KCNN3: variants seen among roughly 807,000 people sequenced by gnomAD.
KCNN3 encodes small conductance calcium-activated potassium channel protein 3.
KCNN3 carries 16 observed loss-of-function variants against 62.9 expected under a neutral mutation model. The observed-to-expected ratio is 0.25, with a 90% CI of 0.17 to 0.39. The LOEUF is 0.39. Among genes scored for constraint, KCNN3 ranks in the 10% least tolerant of loss-of-function variants. The pLI is 1.00. For missense variants in KCNN3, 599 were observed against 949.4 expected (o/e 0.63, Z 4.85); for synonymous variants, 370 against 389.2 (o/e 0.95, Z 0.58).
chr1:154,714,272 GGT>G (rs1196826900), intron 6 of KCNN3, among the ~76,000 whole-genome samples: 5 of 51,290 alleles, frequency 9.7e-5, no homozygotes, highest in African/African-American at 1.6e-4. Context: ...TGTGGTATGT[GGT>G]GTGTGTGGTG....
At chr1:154,775,575 C>A (rs901252418) in intron 2 of KCNN3, among the ~76,000 whole-genome samples, 6 of 133,118 alleles carry the variant, frequency 4.5e-5, no homozygotes, top group Admixed American at 7.4e-5. Context: ...GCCCCCCACC[C>A]ACCCACCCAT....
chr1:154,736,315 TAGAC>T (rs1557949116), intron 3 of KCNN3, among the ~76,000 whole-genome samples: 1 of 152,156 alleles, frequency 6.6e-6, no homozygotes, highest in African/African-American at 2.4e-5. Context: ...TGAGAAACAA[TAGAC>T]AGAAAAATAC....
chr1:154,699,734 A>C lies in KCNN3; in HGVS notation c.*8242T>G, dbSNP rs1025844470. ...TTTCCTCTAGGGGAGGGGAGTTCTT[A>C]CTGGTGAGATGCTGAGTTCCTCAAG... On this transcript the variant is annotated 3_prime_UTR_variant, in exon 8 of 8. Transcript: ENST00000271915. The C allele has an allele frequency of 2.6e-5, 4 of 152,116 alleles. No individual in the cohort carries two copies. Among genetic ancestry groups the C allele is most frequent in the African/African-American group, 9.7e-5 (4 of 41,404 alleles). The allele number at this position is 152,116 out of a possible 1,614,324, so 9.4% of individuals were successfully genotyped here.
Position 154,836,297 on chromosome 1 carries a change from G to C in KCNN3, c.934-14113C>G, listed in dbSNP as rs1289580223. ...GTCCCTCTTGCTGTTGTAATAGGAGGAGCCAGAGGAACACCCCACCTGATA... is the reference window on the plus strand; with the variant it reads ...GTCCCTCTTGCTGTTGTAATAGGAGCAGCCAGAGGAACACCCCACCTGATA... On this transcript the variant is annotated intron_variant, in intron 1 of 7. Transcript: ENST00000271915. Among the ~76,000 whole-genome samples the C allele has an allele frequency of 3.3e-5, 5 of 152,166 alleles. 1 individual carries two copies. The South Asian group carries it at 1.0e-3, about 31-fold the overall frequency.
chr1:154,731,828 G>A (rs1046132964), intron 4 of KCNN3, among the ~76,000 whole-genome samples: 5 of 152,016 alleles, frequency 3.3e-5, no homozygotes, highest in Non-Finnish European at 7.4e-5. Context: ...TTCTCACCCC[G>A]CCACCTCCCC....
rs570353294 is a variant in KCNN3 at position 154,744,556 on chromosome 1, G to A, written c.1449-11412C>T. 2.6e-5 allele frequency among the ~76,000 whole-genome samples: 4 copies of A among 152,348 alleles called. No individual in the cohort carries two copies. In the South Asian group the frequency reaches 8.3e-4, roughly 32 times the overall value. On this transcript the variant is annotated intron_variant, in intron 3 of 7. Transcript: ENST00000271915. ...AGGTGATGGCCGGGAGGCTCTGTAT[G>A]TGACTGGCATTCGAAGCTATTAGAA...
rs145204644 is a variant in KCNN3, at chr1:154,796,130, G to A, written c.1030-23737C>T. Among the ~76,000 whole-genome samples the A allele has an allele frequency of 3.9e-5, 6 of 152,326 alleles. No individual in the cohort carries two copies. In the East Asian group the frequency reaches 1.2e-3, roughly 29 times the overall value. On this transcript the variant is annotated intron_variant, in intron 2 of 7. Transcript: ENST00000271915. Reference sequence around the variant, plus strand: ...CACATAAGACCTGGTGTTGGGGGATGAGTGGAGGTGGCGAATACTGCAATC... The same window carrying A: ...CACATAAGACCTGGTGTTGGGGGATAAGTGGAGGTGGCGAATACTGCAATC...
intron 2 of KCNN3, among the ~76,000 whole-genome samples, chr1:154,797,814 CAG>C (rs2101870232): frequency 1.3e-5 from 2 of 152,294 alleles, no homozygotes; most frequent in South Asian, 4.2e-4. Flanking sequence ...GGCGTGGACA[CAG>C]GGGTGTGGCT....
rs1488608083 is a variant in KCNN3, at chr1:154,862,275, G to A, written c.933+6757C>T. Among the ~76,000 whole-genome samples, 1 of 152,110 alleles carries A rather than the reference G, an allele frequency of 6.6e-6. No homozygotes were observed. The highest frequency in any genetic ancestry group is 2.4e-5 in the African/African-American group (1 of 41,414). ...GAGTTTTCTCATCCCTGAGATAGTT[G>A]GTCATCATGAGCCCTGGGCCAGCCA... is the stretch of plus-strand genomic sequence containing the variant. On this transcript the variant is annotated intron_variant, in intron 1 of 7. Transcript: ENST00000271915. This position sits in a 1 kb window ranked among gnomAD's most constrained non-coding sequence, Gnocchi z 4.1.
At chr1:154,742,035 G>A (rs767148057) in intron 3 of KCNN3, among the ~76,000 whole-genome samples, 1 of 152,210 alleles carries the variant, frequency 6.6e-6, no homozygotes, top group Non-Finnish European at 1.5e-5. Context: ...GCCCTCCTCT[G>A]GCATCTGCAG....
chr1:154,722,059 C>T (rs927944178), intron 5 of KCNN3, among the ~76,000 whole-genome samples: 1 of 151,952 alleles, frequency 6.6e-6, no homozygotes, highest in African/African-American at 2.4e-5. Context: ...TGCTATCAGA[C>T]CCTCTTCCCT....
intron 2 of KCNN3, among the ~76,000 whole-genome samples, chr1:154,811,453 T>G (rs1284538166): frequency 6.6e-6 from 1 of 152,194 alleles, no homozygotes; most frequent in Non-Finnish European, 1.5e-5. Flanking sequence ...GTTATGTATA[T>G]TTTACCACAA....
rs75462169 is a variant in KCNN3, at chr1:154,827,369, C to T, written c.934-5185G>A. 6.0e-3 allele frequency among the ~76,000 whole-genome samples: 914 copies of T among 152,320 alleles called. 4 individuals carry two copies. Among genetic ancestry groups the T allele is most frequent in the Non-Finnish European group, 0.011 (717 of 68,034 alleles). Reference sequence around the variant, plus strand: ...CCATGGAGACCTGAGGCTTCTTTCCCTCCACATCAGCACCAAGCCCTGGCC... The same window carrying T: ...CCATGGAGACCTGAGGCTTCTTTCCTTCCACATCAGCACCAAGCCCTGGCC... On this transcript the variant is annotated intron_variant, in intron 1 of 7. Transcript: ENST00000271915.
intron 2 of KCNN3, among the ~76,000 whole-genome samples, chr1:154,782,803 A>G (rs531350917): frequency 1.3e-5 from 2 of 152,268 alleles, no homozygotes; most frequent in Admixed American, 6.5e-5. Flanking sequence ...GGTTCAATCA[A>G]TTGCCTGGGG....
At chr1:154,719,242 G>A (rs1177479376) in intron 5 of KCNN3, among the ~76,000 whole-genome samples, 1 of 152,170 alleles carries the variant, frequency 6.6e-6, no homozygotes, top group Non-Finnish European at 1.5e-5. Flanking sequence ...AGGAACCCTT[G>A]CCAGGGAAGT....
chr1:154,774,955 T>G (rs899368135), intron 2 of KCNN3, among the ~76,000 whole-genome samples: 2 of 152,228 alleles, frequency 1.3e-5, no homozygotes, highest in African/African-American at 2.4e-5. Flanking sequence ...GGAGGTTTTA[T>G]TTAACCTGGA....
chr1:154,837,923 C>T lies in KCNN3; in HGVS notation c.934-15739G>A, dbSNP rs140158748. On this transcript the variant is annotated intron_variant, in intron 1 of 7. Transcript: ENST00000271915. ...AGCCAGGGCTGTGTGCCGTGGGGAG[C>T]CAGGTGTGCTGAGGTCAGCGGGGAG... Among the ~76,000 whole-genome samples the T allele has an allele frequency of 3.0e-4, 45 of 152,262 alleles. No homozygotes were observed. In the East Asian group the frequency reaches 8.3e-3, roughly 28 times the overall value.
At chr1:154,752,226 G>A (rs1474449769) in intron 3 of KCNN3, among the ~76,000 whole-genome samples, 1 of 152,040 alleles carries the variant, frequency 6.6e-6, no homozygotes, top group African/African-American at 2.4e-5. Context: ...ATTTTTATTA[G>A]ATATCCCTCA....
chr1:154,831,931 C>T (rs1036748596), intron 1 of KCNN3, among the ~76,000 whole-genome samples: 2 of 152,004 alleles, frequency 1.3e-5, no homozygotes, highest in African/African-American at 2.4e-5. Context: ...GTTCCCCAAC[C>T]CTCATTCTCC....
Sources: allele counts gnomAD v4.1 joint callset (sites outside exome capture counted in the v4.1 genomes callset), GRCh38; gene constraint gnomAD v4.1.1; non-coding constraint Gnocchi (gnomAD v3.1); transcripts MANE v1.5; gene names NCBI Gene and HGNC (gene_info 2026-07-23, HGNC 2026-07-21).